NRIP1: variants seen among roughly 807,000 people sequenced by gnomAD.
The protein encoded by NRIP1 is nuclear receptor-interacting protein 1.
Under a neutral mutation model 75.0 loss-of-function variants are expected in NRIP1, and 28 were observed. That is an observed-to-expected ratio of 0.37 (90% CI 0.28 to 0.51). The LOEUF is 0.51. Ranked by LOEUF, NRIP1 falls within the 20% of genes least tolerant of loss-of-function variation. The probability of loss-of-function intolerance (pLI) is 0.92; values close to 1 mark genes in which losing one functional copy is unlikely to be tolerated. For missense variants in NRIP1, 1,435 were observed against 1,343.7 expected, an observed-to-expected ratio of 1.07 and a Z score of -1.06; for synonymous variants, 526 against 487.6, an observed-to-expected ratio of 1.08 and a Z score of -1.04.
At chr21:14,974,677 A>G (rs1420290449) in intron 3 of NRIP1, among the ~76,000 whole-genome samples, 1 of 152,210 alleles carries the variant, frequency 6.6e-6, no homozygotes, top group African/African-American at 2.4e-5. Flanking sequence ...TTTTGCCACA[A>G]AACACTTGAG....
rs761945295 is a variant in NRIP1 at position 14,966,338 on chromosome 21, C to A, written c.1855G>T (p.Ala619Ser). The change falls in exon 4 of 4, where the codon GCA becomes TCA. Residue 619 changes from alanine (A) to serine (S), a missense_variant. Physicochemically the swap from Ala to Ser is moderately conservative, Grantham distance 99. Transcript: ENST00000318948. ...PGEKPAQNEG[A>S]QNSATFSASK... is the part of the protein sequence containing the mutation. ...GCACTAAACGTTGCAGAGTTCTGTG[C>A]ACCTTCATTTTGGGCTGGTTTCTCT... The A allele has an allele frequency of 6.8e-6, 11 of 1,613,892 alleles. No individual in the cohort carries two copies. Among genetic ancestry groups the A allele is most frequent in the African/African-American group, 1.3e-5 (1 of 74,884 alleles).
intron 3 of NRIP1, among the ~76,000 whole-genome samples, chr21:14,975,203 AATCAATAGCACCATAATC>A (rs71330098): frequency 0.17 from 26,109 of 151,980 alleles, 2,808 homozygotes; most frequent in East Asian, 0.23. Flanking sequence ...TTGCTTATAT[AATCAATAGCACCATAATC>A]ATTCACATGT....
intron 3 of NRIP1, among the ~76,000 whole-genome samples, chr21:15,011,398 C>T (rs1048820137): frequency 2.0e-5 from 3 of 152,142 alleles, no homozygotes; most frequent in African/African-American, 4.8e-5. Flanking sequence ...ACCGTGTCAG[C>T]CAGGATGGTC....
At chr21:14,993,074 T>A (rs2087617473) in intron 3 of NRIP1, among the ~76,000 whole-genome samples, 1 of 152,190 alleles carries the variant, frequency 6.6e-6, no homozygotes, top group South Asian at 2.1e-4. Flanking sequence ...AATCAGTTTT[T>A]AATTATCAAA....
At chr21:15,051,078 C>T (rs1436659829) in intron 1 of NRIP1, 3 of 366,374 alleles carry the variant, frequency 8.2e-6, no homozygotes, top group Non-Finnish European at 1.6e-5. Flanking sequence ...ACTCCAGAAA[C>T]GGCTGCAGCC....
intron 2 of NRIP1, among the ~76,000 whole-genome samples, chr21:15,030,508 A>G (rs2088618766): frequency 6.6e-6 from 1 of 151,540 alleles, no homozygotes; most frequent in Non-Finnish European, 1.5e-5. Flanking sequence ...TTCAATGGAA[A>G]TCATATTTTC....
rs757237682 is a variant in NRIP1, at chr21:14,967,608, T to G, written c.585A>C (p.Lys195Asn). ...GAAGATTCGTATCAGGCTTTTGATC[T>G]TTAACTTTACTTTTCTTCAACAAAG... ...LKTLLKKSKV[K>N]DQKPDTNLPD... is the part of the protein sequence containing the mutation. The change falls in exon 4 of 4, where the codon AAA becomes AAC. Residue 195 changes from lysine to asparagine, a missense_variant. Transcript: ENST00000318948. 51 of 1,613,720 alleles carry G rather than the reference T, an allele frequency of 3.2e-5. No homozygotes were observed. The highest frequency in any genetic ancestry group is 1.1e-4 in the South Asian group (10 of 91,044).
chr21:15,013,073 GCCAA>G (rs1568979499), intron 3 of NRIP1, among the ~76,000 whole-genome samples: 2 of 152,044 alleles, frequency 1.3e-5, no homozygotes, highest in Non-Finnish European at 2.9e-5. Context: ...ATTTCAGACT[GCCAA>G]CCAGTGATTA....
At chr21:15,020,754 C>A (rs1039893026) in intron 2 of NRIP1, among the ~76,000 whole-genome samples, 1 of 151,770 alleles carries the variant, frequency 6.6e-6, no homozygotes, top group Non-Finnish European at 1.5e-5. Flanking sequence ...AGGTACTTCA[C>A]CAAAGAAGAC....
At chr21:15,049,066 T>G (rs2089148942) in intron 1 of NRIP1, among the ~76,000 whole-genome samples, 1 of 152,202 alleles carries the variant, frequency 6.6e-6, no homozygotes, top group Non-Finnish European at 1.5e-5. Flanking sequence ...TTAAAATTAA[T>G]CTGCCTAAAT....
chr21:15,046,747 A>G (rs958703938), intron 1 of NRIP1, among the ~76,000 whole-genome samples: 2 of 152,216 alleles, frequency 1.3e-5, no homozygotes, highest in African/African-American at 2.4e-5. Flanking sequence ...AGCCATCTTC[A>G]TCAATGATCT....
chr21:15,024,477 G>A (rs916161991), intron 2 of NRIP1, among the ~76,000 whole-genome samples: 8 of 152,094 alleles, frequency 5.3e-5, no homozygotes, highest in Non-Finnish European at 1.0e-4. Context: ...AGGAGGCGGA[G>A]GTTGCAGTGA....
chr21:14,999,814 T>C (rs982346210), intron 3 of NRIP1, among the ~76,000 whole-genome samples: 2 of 152,260 alleles, frequency 1.3e-5, no homozygotes, highest in Non-Finnish European at 1.5e-5. Context: ...CTCATGAATG[T>C]CTTCCATTTC....
intron 3 of NRIP1, among the ~76,000 whole-genome samples, 177 bp from the exon 4 acceptor site, chr21:14,968,703 T>A (rs2086827839): frequency 6.6e-6 from 1 of 152,196 alleles, no homozygotes; most frequent in South Asian, 2.1e-4. Context: ...CCTATTCAAT[T>A]GAAAATGTCT....
intron 3 of NRIP1, among the ~76,000 whole-genome samples, chr21:14,989,829 T>C (rs2087519388): frequency 6.6e-6 from 1 of 151,884 alleles, no homozygotes; most frequent in Admixed American, 6.6e-5. Context: ...TTTTTGGATA[T>C]CAAGAAACAC....
intron 1 of NRIP1, among the ~76,000 whole-genome samples, chr21:15,046,182 A>T (rs1489179997): frequency 6.6e-6 from 1 of 152,232 alleles, no homozygotes; most frequent in Non-Finnish European, 1.5e-5. Context: ...CAGATCCATC[A>T]GAGGAATCAC....
At chr21:14,983,608 G>T (rs1356986018) in intron 3 of NRIP1, among the ~76,000 whole-genome samples, 1 of 152,156 alleles carries the variant, frequency 6.6e-6, no homozygotes, top group African/African-American at 2.4e-5. Flanking sequence ...CCTTAAATTG[G>T]AAGAAGATTC....
Position 14,964,131 on chromosome 21 carries a change from T to C in NRIP1, c.*585A>G, listed in dbSNP as rs1425168801. On this transcript the variant is annotated 3_prime_UTR_variant, in exon 4 of 4. Transcript: ENST00000318948. ...AAAGGATCAGGGTGGGACAGACACA[T>C]TGGGAACCACAAAACCTCTTCCAAG... is the stretch of plus-strand genomic sequence containing the variant. 2.0e-5 allele frequency: 3 copies of C among 152,120 alleles called. No homozygotes were observed. Among genetic ancestry groups the C allele is most frequent in the Non-Finnish European group, 4.4e-5 (3 of 67,956 alleles). The allele number at this position is 152,120 out of a possible 1,614,324, so 9.4% of individuals were successfully genotyped here.
chr21:15,059,443 A>G (rs1182877814), intron 1 of NRIP1, among the ~76,000 whole-genome samples: 1 of 152,076 alleles, frequency 6.6e-6, no homozygotes, highest in Admixed American at 6.6e-5. Context: ...CTGTCAGATA[A>G]TTCTATTATC....
Sources: allele counts gnomAD v4.1 joint callset (sites outside exome capture counted in the v4.1 genomes callset), GRCh38; gene constraint gnomAD v4.1.1; transcripts MANE v1.5; gene names NCBI Gene and HGNC (gene_info 2026-07-23, HGNC 2026-07-21).